Variants in CDKAL1 observed in about 807,000 individuals in gnomAD.
CDKAL1 encodes the protein threonylcarbamoyladenosine tRNA methylthiotransferase.
CDKAL1 carries 32 observed loss-of-function variants against 68.2 expected under a neutral mutation model. That is an observed-to-expected ratio of 0.47 (90% confidence interval 0.35 to 0.63). CDKAL1 has a LOEUF of 0.63. CDKAL1 is among the 30% of genes least tolerant of loss of function. The pLI, the probability that CDKAL1 is intolerant of heterozygous loss-of-function variation, is 0.00. For synonymous variants in CDKAL1, 234 were observed against 244.3 expected, an observed-to-expected ratio of 0.96 and a Z score of 0.39; for missense variants, 606 against 696.7, an observed-to-expected ratio of 0.87 and a Z score of 1.47.
chr6:20,771,126 T>A (rs572520214), intron 7 of CDKAL1, among the ~76,000 whole-genome samples: 7 of 152,330 alleles, frequency 4.6e-5, no homozygotes, highest in Admixed American at 1.3e-4. Flanking sequence ...CTTTCATACA[T>A]GCTTCATTTT....
intron 9 of CDKAL1, among the ~76,000 whole-genome samples, chr6:20,863,237 G>T (rs1375379753): frequency 6.6e-6 from 1 of 152,048 alleles, no homozygotes; most frequent in Non-Finnish European, 1.5e-5. Flanking sequence ...CATGATGCTT[G>T]TGGCCCTTTG....
chr6:20,618,274 T>C (rs1450207220), intron 4 of CDKAL1, among the ~76,000 whole-genome samples: 1 of 152,220 alleles, frequency 6.6e-6, no homozygotes, highest in Admixed American at 6.5e-5. Flanking sequence ...GTTTTTTTCT[T>C]GTAAATTTGT....
intron 4 of CDKAL1, among the ~76,000 whole-genome samples, chr6:20,622,925 A>AT (rs990436779): frequency 9.2e-5 from 14 of 151,618 alleles, no homozygotes; most frequent in African/African-American, 3.4e-4. Flanking sequence ...TGACACACTA[A>AT]TTTTTTCCCC....
intron 7 of CDKAL1, among the ~76,000 whole-genome samples, chr6:20,771,506 C>T (rs1336811438): frequency 1.3e-5 from 2 of 152,188 alleles, no homozygotes; most frequent in African/African-American, 4.8e-5. Context: ...TCTCTTCTGT[C>T]ACACTTTATG....
At chr6:20,980,913 T>C (rs1385278653) in intron 10 of CDKAL1, among the ~76,000 whole-genome samples, 1 of 152,226 alleles carries the variant, frequency 6.6e-6, no homozygotes, top group African/African-American at 2.4e-5. Context: ...TTTGCCCATT[T>C]GAAGACTCAG....
At chr6:20,930,899 C>T (rs113563979) in intron 9 of CDKAL1, among the ~76,000 whole-genome samples, 1,634 of 152,226 alleles carry the variant, frequency 0.011, 31 homozygotes, top group African/African-American at 0.036. Context: ...CACCTGCCAC[C>T]GCGCCCGGCT....
At chr6:20,804,597 C>A (rs1026508607) in intron 8 of CDKAL1, among the ~76,000 whole-genome samples, 1 of 152,182 alleles carries the variant, frequency 6.6e-6, no homozygotes, top group African/African-American at 2.4e-5. Context: ...CAGGAAACAG[C>A]CACATTCACT....
At chr6:21,010,482 T>A (rs1461222250) in intron 11 of CDKAL1, among the ~76,000 whole-genome samples, 3 of 152,298 alleles carry the variant, frequency 2.0e-5, no homozygotes, top group Admixed American at 1.3e-4. Flanking sequence ...ATTTCATCAC[T>A]TGCTGCAGGC....
intron 5 of CDKAL1, among the ~76,000 whole-genome samples, chr6:20,695,633 A>G (rs954605011): frequency 1.3e-5 from 2 of 151,944 alleles, no homozygotes; most frequent in Non-Finnish European, 2.9e-5. Flanking sequence ...TACTTCCATC[A>G]TTCTTTTGTT....
At chr6:20,872,056 T>C (rs1760249118) in intron 9 of CDKAL1, among the ~76,000 whole-genome samples, 2 of 152,282 alleles carry the variant, frequency 1.3e-5, no homozygotes, top group East Asian at 1.9e-4. Context: ...GCAAGTTCCT[T>C]AGAGATTGTA....
At chr6:20,686,679 C>T (rs555210178) in intron 5 of CDKAL1, among the ~76,000 whole-genome samples, 6 of 152,292 alleles carry the variant, frequency 3.9e-5, no homozygotes, top group Admixed American at 6.5e-5. Context: ...ACCTTTCCCT[C>T]GTGCCAAAAC....
intron 4 of CDKAL1, among the ~76,000 whole-genome samples, chr6:20,604,095 G>A (rs1022689157): frequency 2.0e-5 from 3 of 152,104 alleles, no homozygotes; most frequent in South Asian, 2.1e-4. Context: ...CCATGTGAAT[G>A]CCTGTTAAAG....
intron 7 of CDKAL1, among the ~76,000 whole-genome samples, chr6:20,766,326 G>A (rs368148045): frequency 6.6e-6 from 1 of 152,008 alleles, no homozygotes; most frequent in Non-Finnish European, 1.5e-5. Context: ...CTGGTGCATA[G>A]TGTTGAATAG....
intron 9 of CDKAL1, among the ~76,000 whole-genome samples, chr6:20,856,372 T>A (rs902590313): frequency 2.0e-5 from 3 of 152,228 alleles, no homozygotes; most frequent in African/African-American, 7.2e-5. Flanking sequence ...GGAAAAACCA[T>A]ACTTTTTAAG....
intron 7 of CDKAL1, among the ~76,000 whole-genome samples, chr6:20,778,571 A>G (rs1775277816): frequency 2.0e-5 from 3 of 152,228 alleles, no homozygotes. Context: ...GAGAAGTCCC[A>G]AGATCTGCGT....
intron 5 of CDKAL1, among the ~76,000 whole-genome samples, chr6:20,716,027 T>C (rs550773073): frequency 6.6e-6 from 1 of 152,282 alleles, no homozygotes; most frequent in African/African-American, 2.4e-5. Flanking sequence ...TGCGTGCTCA[T>C]GGGATATGAC....
chr6:20,822,010 C>A (rs978035770), intron 8 of CDKAL1, among the ~76,000 whole-genome samples: 3 of 152,154 alleles, frequency 2.0e-5, no homozygotes, highest in Non-Finnish European at 4.4e-5. Flanking sequence ...AGTTTAATTG[C>A]AACAGAACCA....
At chr6:20,571,174 A>G (rs1764685623) in intron 4 of CDKAL1, among the ~76,000 whole-genome samples, 1 of 152,216 alleles carries the variant, frequency 6.6e-6, no homozygotes, top group Non-Finnish European at 1.5e-5. Flanking sequence ...TTAAAGGAGC[A>G]TCTATTGAGT....
At chr6:20,837,937 T>TTGTGTGTG (rs531904726) in intron 8 of CDKAL1, among the ~76,000 whole-genome samples, 8,252 of 123,016 alleles carry the variant, frequency 0.067, 316 homozygotes, top group East Asian at 0.098. Flanking sequence ...TGGGAAGAAA[T>TTGTGTGTG]TGTGTGTGTG....
Sources: gnomAD v4.1 joint callset for allele counts (sites outside exome capture counted in the v4.1 genomes callset) on GRCh38, gnomAD v4.1.1 for gene constraint, MANE v1.5 for transcripts, NCBI Gene and HGNC (gene_info 2026-07-23, HGNC 2026-07-21) for gene names.